NCKAP5: variants seen among roughly 807,000 people sequenced by gnomAD.
The protein encoded by NCKAP5 is nck-associated protein 5.
In NCKAP5, 92 loss-of-function variants were observed where a neutral mutation model predicts 167.0. The ratio of observed to expected loss-of-function variants is 0.55; its 90% CI spans 0.47 to 0.66. The LOEUF (loss-of-function observed/expected upper bound fraction) is 0.66, where lower values mean the gene tolerates loss of function less well. Among genes scored for constraint, NCKAP5 ranks in the 30% least tolerant of loss-of-function variants. The pLI, the probability that NCKAP5 is intolerant of heterozygous loss-of-function variation, is 0.00. For synonymous variants in NCKAP5, 891 were observed against 877.4 expected, an observed-to-expected ratio of 1.02 and a Z score of -0.27; for missense variants, 2,378 against 2,315.0, an observed-to-expected ratio of 1.03 and a Z score of -0.56.
At chr2:132,851,369 C>T (rs1689064765) in intron 11 of NCKAP5, among the ~76,000 whole-genome samples, 1 of 152,160 alleles carries the variant, frequency 6.6e-6, no homozygotes, top group Admixed American at 6.5e-5. Context: ...CAGGTGTAAG[C>T]TATAAACCAG....
chr2:133,520,476 T>C (rs985236157), intron 2 of NCKAP5, among the ~76,000 whole-genome samples: 1 of 152,186 alleles, frequency 6.6e-6, no homozygotes, highest in African/African-American at 2.4e-5. Context: ...AGGACCTTCT[T>C]CATAGTAGGG....
intron 6 of NCKAP5, among the ~76,000 whole-genome samples, chr2:133,075,574 A>T (rs1193941476): frequency 2.0e-5 from 3 of 152,218 alleles, no homozygotes. Flanking sequence ...ACAGGACAAA[A>T]GGGTCGTGCA....
intron 19 of NCKAP5, among the ~76,000 whole-genome samples, chr2:132,690,530 C>G (rs142825129): frequency 1.3e-5 from 2 of 152,312 alleles, no homozygotes; most frequent in African/African-American, 4.8e-5. Context: ...GCCCTAGGAA[C>G]TCAGCTCTTG....
At chr2:132,914,303 C>A (rs1056028560) in intron 8 of NCKAP5, among the ~76,000 whole-genome samples, 1 of 150,764 alleles carries the variant, frequency 6.6e-6, no homozygotes, top group Admixed American at 6.6e-5. Flanking sequence ...TAAATTAATA[C>A]AAAACCTTCC....
intron 2 of NCKAP5, among the ~76,000 whole-genome samples, chr2:133,534,043 C>T (rs912681536): frequency 2.6e-5 from 4 of 152,070 alleles, no homozygotes; most frequent in Non-Finnish European, 5.9e-5. Flanking sequence ...GAATTATGAC[C>T]ACATCTATAC....
chr2:133,483,526 C>A (rs562228347), intron 3 of NCKAP5, among the ~76,000 whole-genome samples: 1 of 151,696 alleles, frequency 6.6e-6, no homozygotes, highest in East Asian at 1.9e-4. Context: ...TGTGTTTTAC[C>A]CTCTGTTGGG....
chr2:133,063,383 A>G (rs560169524), intron 6 of NCKAP5, among the ~76,000 whole-genome samples: 8 of 152,210 alleles, frequency 5.3e-5, no homozygotes, highest in Non-Finnish European at 8.8e-5. Flanking sequence ...TTGAAGTTAC[A>G]TATACACTAC....
intron 5 of NCKAP5, among the ~76,000 whole-genome samples, chr2:133,139,911 G>C (rs1363959595): frequency 6.6e-6 from 1 of 152,034 alleles, no homozygotes; most frequent in Non-Finnish European, 1.5e-5. Flanking sequence ...TAGGTAGTAA[G>C]CTTGTTATCA....
At chr2:133,335,158 C>T (rs1683126534) in intron 3 of NCKAP5, among the ~76,000 whole-genome samples, 1 of 152,082 alleles carries the variant, frequency 6.6e-6, no homozygotes, top group African/African-American at 2.4e-5. Context: ...ACCTGCCCAA[C>T]CCTTCCTGGT....
rs556544624 is a variant in NCKAP5, at chr2:133,196,255, T to C, written c.207+17461A>G. On this transcript the variant is annotated intron_variant, in intron 5 of 19. Transcript: ENST00000409261. ...TAAAGTGTATGAGCTTCAGTGACCATTGAAAGCTAAGAGCAGGGAACAGGA... is the reference window on the plus strand; with the variant it reads ...TAAAGTGTATGAGCTTCAGTGACCACTGAAAGCTAAGAGCAGGGAACAGGA... Among the ~76,000 whole-genome samples, 7 of 152,224 alleles carry C rather than the reference T, an allele frequency of 4.6e-5. No homozygotes were observed. The South Asian group carries it at 1.0e-3, about 23-fold the overall frequency.
intron 8 of NCKAP5, among the ~76,000 whole-genome samples, chr2:132,919,810 T>C (rs1695171802): frequency 6.6e-6 from 1 of 152,214 alleles, no homozygotes; most frequent in South Asian, 2.1e-4. Context: ...AGGGCTTATA[T>C]GAAATATAGA....
At chr2:132,918,299 C>T (rs1214623868) in intron 8 of NCKAP5, among the ~76,000 whole-genome samples, 1 of 152,114 alleles carries the variant, frequency 6.6e-6, no homozygotes, top group Non-Finnish European at 1.5e-5. Flanking sequence ...AAAGCAATTT[C>T]ATTTTATTTC....
intron 3 of NCKAP5, among the ~76,000 whole-genome samples, chr2:133,407,185 G>T (rs1688492753): frequency 6.6e-6 from 1 of 152,200 alleles, no homozygotes; most frequent in African/African-American, 2.4e-5. Flanking sequence ...GTCTTAACTT[G>T]CAAGGGAGGA....
At chr2:133,594,138 G>C in the NCKAP5 span, among the ~76,000 whole-genome samples, 1 of 152,210 alleles carries the variant, frequency 6.6e-6, no homozygotes, top group Non-Finnish European at 1.5e-5. Context: ...CTTCTTTGAT[G>C]AGTCAATGAA....
rs1048071152 is a variant in NCKAP5, at chr2:133,360,001, G to A, written c.70-56891C>T. ...TAAAGACTGTGATTGAACAACAGAA[G>A]GTAAATATCACACCATATAACAAAG... is the stretch of plus-strand genomic sequence containing the variant. On this transcript the variant is annotated intron_variant, in intron 3 of 19. Transcript: ENST00000409261. 5.9e-5 allele frequency among the ~76,000 whole-genome samples: 9 copies of A among 152,182 alleles called. 1 individual carries two copies. The highest frequency in any genetic ancestry group is 5.9e-4 in the Admixed American group (9 of 15,286).
the NCKAP5 span, among the ~76,000 whole-genome samples, chr2:133,611,547 T>C: frequency 1.3e-5 from 2 of 152,192 alleles, no homozygotes; most frequent in Non-Finnish European, 2.9e-5. Context: ...CTCTAAAAGG[T>C]GTCCAGTGGG....
chr2:133,563,908 T>C (rs1468387313), intron 1 of NCKAP5, among the ~76,000 whole-genome samples: 1 of 152,058 alleles, frequency 6.6e-6, no homozygotes, highest in East Asian at 1.9e-4. Context: ...CTGAGGCAGA[T>C]GGATCATTTG....
At chr2:133,616,190 G>T in the NCKAP5 span, among the ~76,000 whole-genome samples, 21 of 150,196 alleles carry the variant, frequency 1.4e-4, no homozygotes, top group African/African-American at 4.9e-4. Context: ...ATGCCCACAA[G>T]AGAAAGCAGG....
At position 133,082,535 on chromosome 2, in the gene NCKAP5, C is replaced by A. The variant is rs1437905; in HGVS notation, c.341+47443G>T. ...CTCTCCATCTCATCCTGACCTGGGA[C>A]CTCCTTCCTGTTTCCTTGGCTGGTG... On this transcript the variant is annotated intron_variant, in intron 6 of 19. Coordinates refer to ENST00000409261, the MANE Select transcript of NCKAP5 (RefSeq NM_207363.3). Among the ~76,000 whole-genome samples the A allele has an allele frequency of 1.6e-3, 251 of 152,244 alleles. 1 individual carries two copies. Among genetic ancestry groups the A allele is most frequent in the African/African-American group, 5.4e-3 (226 of 41,554 alleles).
Sources: allele counts gnomAD v4.1 joint callset (sites outside exome capture counted in the v4.1 genomes callset), GRCh38; gene constraint gnomAD v4.1.1; transcripts MANE v1.5; gene names NCBI Gene and HGNC (gene_info 2026-07-23, HGNC 2026-07-21).